SEPTIN14: variants seen among roughly 807,000 people sequenced by gnomAD.
SEPTIN14 encodes septin-14.
A neutral mutation model predicts 53.6 loss-of-function variants in SEPTIN14; 40 were observed. The observed-to-expected ratio is 0.75, with a 90% CI of 0.58 to 0.97. SEPTIN14 has a LOEUF of 0.97. SEPTIN14 is among the 50% of genes least tolerant of loss of function. The pLI, the probability that SEPTIN14 is intolerant of heterozygous loss-of-function variation, is 0.00. For synonymous variants in SEPTIN14, 138 were observed against 166.8 expected (o/e 0.83, Z 1.33); for missense variants, 471 against 508.2 (o/e 0.93, Z 0.70).
At chr7:55,844,754 A>C in intron 3 of SEPTIN14, 36 bp from the exon 4 acceptor site, 1 of 1,169,518 alleles carries the variant, frequency 8.6e-7, no homozygotes, top group Non-Finnish European at 1.2e-6. Flanking sequence ...ATAGGGACAT[A>C]AAGGGGCTAA....
At chr7:55,808,664 A>G (rs1413245289) in intron 7 of SEPTIN14, among the ~76,000 whole-genome samples, 1 of 151,944 alleles carries the variant, frequency 6.6e-6, no homozygotes, top group Non-Finnish European at 1.5e-5. Flanking sequence ...TGATTCTCCA[A>G]CCTCAGCCTC....
At chr7:55,812,244 T>C (rs889378311) in intron 7 of SEPTIN14, among the ~76,000 whole-genome samples, 8 of 152,240 alleles carry the variant, frequency 5.3e-5, no homozygotes, top group African/African-American at 1.2e-4. Context: ...TAAAATACTA[T>C]AGAGCTTTTA....
At chr7:55,818,258 G>A (rs540549679) in intron 7 of SEPTIN14, among the ~76,000 whole-genome samples, 4 of 152,052 alleles carry the variant, frequency 2.6e-5, no homozygotes, top group African/African-American at 7.2e-5. Context: ...GATCACCGGA[G>A]GTCAGGAGTT....
intron 6 of SEPTIN14, among the ~76,000 whole-genome samples, chr7:55,821,447 G>A (rs1788894908): frequency 6.6e-6 from 1 of 152,138 alleles, no homozygotes; most frequent in African/African-American, 2.4e-5. Flanking sequence ...ATGAAATGGA[G>A]AAAACCCATT....
At chr7:55,834,666 G>T in intron 5 of SEPTIN14, 80 bp from the exon 6 acceptor site, 1 of 1,198,198 alleles carries the variant, frequency 8.3e-7, no homozygotes. Flanking sequence ...GTTTTGAGAC[G>T]GAGTCTCGCT....
Position 55,794,419 on chromosome 7 carries a change from A to G in SEPTIN14, c.*1494T>C, listed in dbSNP as rs1318055635. On this transcript the variant is annotated 3_prime_UTR_variant, in exon 10 of 10. Transcript: ENST00000388975. ...AATAATCTACATTTTTAATGTATGC[A>G]TATGGCATAGCTAATGTACTATTGC... 6.6e-6 allele frequency: 1 copy of G among 152,344 alleles called. No homozygotes were observed. Among genetic ancestry groups the G allele is most frequent in the East Asian group, 1.9e-4 (1 of 5,188 alleles). The allele number at this position is 152,344 out of a possible 1,614,324, so 9.4% of individuals were successfully genotyped here. A position where few individuals can be genotyped will look rare whatever the true frequency, so the allele number is the denominator to read the frequency against.
intron 2 of SEPTIN14, among the ~76,000 whole-genome samples, chr7:55,848,624 T>C (rs945014196): frequency 2.3e-4 from 35 of 150,784 alleles, no homozygotes; most frequent in African/African-American, 8.1e-4. Flanking sequence ...TTTTTTTTTT[T>C]TTTTGAGACG....
chr7:55,794,605 G>C lies in SEPTIN14; in HGVS notation c.*1308C>G, dbSNP rs1268227831. 1 of 152,146 alleles carries C rather than the reference G, an allele frequency of 6.6e-6. No individual in the cohort carries two copies. The highest frequency in any genetic ancestry group is 1.5e-5 in the Non-Finnish European group (1 of 68,024). The allele number at this position is 152,146 out of a possible 1,614,324, so 9.4% of individuals were successfully genotyped here. A position where few individuals can be genotyped will look rare whatever the true frequency, so the allele number is the denominator to read the frequency against. ...TTTCTTCCCCCAAATTATAAAATCT[G>C]TAAGATGATTTAACAATATGTATAA... On this transcript the variant is annotated 3_prime_UTR_variant, in exon 10 of 10. Coordinates refer to ENST00000388975, the MANE Select transcript of SEPTIN14 (RefSeq NM_207366.3).
chr7:55,811,342 AGGAGG>A (rs2115974882), intron 7 of SEPTIN14: 1 of 506,312 alleles, frequency 2.0e-6, no homozygotes, highest in African/African-American at 1.9e-5. Context: ...TCTTTAAGAA[AGGAGG>A]CGAGCTTCCA....
At chr7:55,827,514 C>A (rs931913164) in intron 6 of SEPTIN14, among the ~76,000 whole-genome samples, 15 of 152,218 alleles carry the variant, frequency 9.9e-5, no homozygotes, top group African/African-American at 3.6e-4. Context: ...GGAGGTAGAG[C>A]TGGTACAGCT....
chr7:55,799,879 C>T (rs1454746443), intron 9 of SEPTIN14, among the ~76,000 whole-genome samples: 1 of 151,302 alleles, frequency 6.6e-6, no homozygotes, highest in African/African-American at 2.4e-5. Flanking sequence ...TAACTATAGA[C>T]CCAATAGACC....
chr7:55,828,493 G>A (rs981868866), intron 6 of SEPTIN14, among the ~76,000 whole-genome samples: 24 of 151,986 alleles, frequency 1.6e-4, no homozygotes, highest in African/African-American at 5.5e-4. Context: ...TTTAGTAGAG[G>A]TGGGGTTTCA....
At chr7:55,812,882 G>A (rs1788725272) in intron 7 of SEPTIN14, among the ~76,000 whole-genome samples, 1 of 151,878 alleles carries the variant, frequency 6.6e-6, no homozygotes, top group Admixed American at 6.6e-5. Context: ...CTTTGCATTG[G>A]AACTCAGTGA....
At chr7:55,829,887 A>G (rs955055666) in intron 6 of SEPTIN14, among the ~76,000 whole-genome samples, 10 of 149,796 alleles carry the variant, frequency 6.7e-5, no homozygotes, top group Non-Finnish European at 1.0e-4. Flanking sequence ...TAAAAGACTT[A>G]CATGCTTTTG....
intron 6 of SEPTIN14, among the ~76,000 whole-genome samples, chr7:55,820,205 T>A (rs545758112): frequency 2.3e-4 from 35 of 152,280 alleles, no homozygotes; most frequent in Admixed American, 1.7e-3. Context: ...TTCACCATGT[T>A]GGCCACGCTG....
chr7:55,811,048 C>T (rs1788692209), intron 7 of SEPTIN14: 29 of 461,184 alleles, frequency 6.3e-5, no homozygotes, highest in Middle Eastern at 7.3e-4. Context: ...TCTTCCTCTT[C>T]CACTATCATT....
intron 6 of SEPTIN14, among the ~76,000 whole-genome samples, chr7:55,830,346 T>C (rs1254731484): frequency 8.2e-5 from 2 of 24,268 alleles, no homozygotes; most frequent in African/African-American, 3.7e-4. Context: ...TATATATATA[T>C]ATATTTTTTT....
rs147508733 is a variant in SEPTIN14, at chr7:55,861,501, CA to C, written c.54+441del. Among the ~76,000 whole-genome samples the C allele has an allele frequency of 4.0e-3, 382 of 95,194 alleles. 1 individual carries two copies. The highest frequency in any genetic ancestry group is 9.1e-3 in the African/African-American group (220 of 24,066). 62.5% of individuals were successfully genotyped at this position (95,194 alleles called of 152,430 possible). On this transcript the variant is annotated intron_variant, in intron 2 of 9. Coordinates refer to ENST00000388975, the MANE Select transcript of SEPTIN14 (RefSeq NM_207366.3). ...TGAGCAACAGAGCCAGACTCAGTCTCAAAAAAAAAAAAAAAACTTGCTCTAA... is the reference window on the plus strand; with the variant it reads ...TGAGCAACAGAGCCAGACTCAGTCTCAAAAAAAAAAAAAAACTTGCTCTAA...
At chr7:55,818,085 A>G (rs1788826522) in intron 7 of SEPTIN14, among the ~76,000 whole-genome samples, 1 of 152,202 alleles carries the variant, frequency 6.6e-6, no homozygotes, top group Non-Finnish European at 1.5e-5. Context: ...TATAACATAT[A>G]CTAACATGTA....
Sources: gnomAD v4.1 joint callset for allele counts (sites outside exome capture counted in the v4.1 genomes callset) on GRCh38, gnomAD v4.1.1 for gene constraint, MANE v1.5 for transcripts, NCBI Gene and HGNC (gene_info 2026-07-23, HGNC 2026-07-21) for gene names.